TECTA: variants seen among roughly 807,000 people sequenced by gnomAD.
The protein encoded by TECTA is tectorin alpha.
In TECTA, 128 loss-of-function variants were observed where a neutral mutation model predicts 216.8. The ratio of observed to expected loss-of-function variants is 0.59; its 90% CI spans 0.51 to 0.68. The LOEUF (loss-of-function observed/expected upper bound fraction) is 0.68. TECTA is among the 30% of genes least tolerant of loss of function. The pLI is 0.00. For synonymous variants in TECTA, 1,089 were observed against 1,117.1 expected (o/e 0.97, Z 0.50); for missense variants, 2,551 against 2,786.2 (o/e 0.92, Z 1.90).
intron 16 of TECTA, among the ~76,000 whole-genome samples, chr11:121,164,963 T>C (rs1043773075): frequency 1.3e-5 from 2 of 152,238 alleles, no homozygotes; most frequent in Non-Finnish European, 2.9e-5. Context: ...TAAGAGCATC[T>C]GTGCATTCAG....
At chr11:121,112,528 C>T (rs1235487398) in intron 4 of TECTA, among the ~76,000 whole-genome samples, 1 of 152,192 alleles carries the variant, frequency 6.6e-6, no homozygotes, top group Non-Finnish European at 1.5e-5. Flanking sequence ...CCAGAAAGTG[C>T]TTTTTAAAAA....
chr11:121,172,198 A>C (rs1405440120), intron 20 of TECTA, among the ~76,000 whole-genome samples: 1 of 151,690 alleles, frequency 6.6e-6, no homozygotes, highest in East Asian at 1.9e-4. Context: ...TTATTTTATT[A>C]TTATTATACT....
intron 9 of TECTA, among the ~76,000 whole-genome samples, chr11:121,128,643 T>A (rs375859497): frequency 7.4e-4 from 112 of 152,314 alleles, no homozygotes; most frequent in African/African-American, 2.6e-3. Flanking sequence ...ATAAGCAGTA[T>A]CACACTTCAT....
rs1946605978 is a variant in TECTA, at chr11:121,125,829, C to T, written c.1731C>T (p.Ala577=). Residue 577 remains alanine (A), a synonymous_variant, in exon 8 of 24, where the codon GCC becomes GCT. Transcript: ENST00000392793. The part of the protein sequence containing the change: ...AIQAYALVCQ[A]LGIPIGDWRT... ...AGGCCTATGCTCTTGTGTGCCAAGC[C>T]CTTGGCATTCCAATTGGAGACTGGC... 1 of 1,613,008 alleles carries T rather than the reference C, an allele frequency of 6.2e-7. No individual in the cohort carries two copies. Among genetic ancestry groups the T allele is most frequent in the South Asian group, 1.1e-5 (1 of 91,078 alleles).
chr11:121,140,228 C>T (rs999645711), intron 11 of TECTA, among the ~76,000 whole-genome samples: 4 of 151,830 alleles, frequency 2.6e-5, no homozygotes, highest in Admixed American at 2.0e-4. Flanking sequence ...GACATCCTCC[C>T]AGTTCTTTTC....
intron 7 of TECTA, among the ~76,000 whole-genome samples, chr11:121,121,001 G>A (rs934802816): frequency 3.3e-5 from 5 of 152,204 alleles, no homozygotes; most frequent in Admixed American, 3.3e-4. Context: ...GGCCTTGGCG[G>A]CCTCTCCTCA....
At chr11:121,107,559 T>A (rs1277003949) in intron 3 of TECTA, among the ~76,000 whole-genome samples, 2 of 152,238 alleles carry the variant, frequency 1.3e-5, no homozygotes, top group African/African-American at 2.4e-5. Flanking sequence ...TGTTACTGGT[T>A]AACAGAAACT....
At chr11:121,143,730 G>A (rs1045214511) in intron 11 of TECTA, among the ~76,000 whole-genome samples, 12 of 152,180 alleles carry the variant, frequency 7.9e-5, no homozygotes, top group African/African-American at 2.7e-4. Context: ...GAGTTTTGAA[G>A]GGTGAACATT....
intron 11 of TECTA, among the ~76,000 whole-genome samples, chr11:121,141,371 G>A (rs12275717): frequency 8.8e-4 from 134 of 152,326 alleles, no homozygotes; most frequent in Middle Eastern, 3.4e-3. Flanking sequence ...TGATATGAAA[G>A]TGCTTCCTTG....
chr11:121,128,370 G>T, intron 9 of TECTA, 26 bp downstream of exon 9: 1 of 1,596,040 alleles, frequency 6.3e-7, no homozygotes, highest in Non-Finnish European at 8.5e-7. Context: ...CCTTTGGAGG[G>T]GTTCCTGGTA....
Position 121,102,690 on chromosome 11 carries a change from A to T in TECTA, c.25A>T (p.Ile9Phe), listed in dbSNP as rs1946356927. Reference protein sequence around the residue: MNYSSFLRIWVSFIFALVQ... With the variant: MNYSSFLRFWVSFIFALVQ... ...GATGAATTATTCATCATTCCTTAGA[A>T]TTTGGGTCTCTTTCATCTTCGCACT... Residue 9 changes from isoleucine (I) to phenylalanine (F), a missense_variant, in exon 2 of 24, where the codon ATT (isoleucine) becomes TTT (phenylalanine). By Grantham distance (21) the Ile-to-Phe change is conservative. This residue lies in a region of TECTA where 2,375 missense variants were observed against 2,563.9 expected (regional missense o/e 0.93). Coordinates refer to ENST00000392793, the MANE Select transcript of TECTA (RefSeq NM_005422.4). 1.9e-6 allele frequency: 3 copies of T among 1,613,866 alleles called. No homozygotes were observed. The highest frequency in any genetic ancestry group is 1.7e-6 in the Non-Finnish European group (2 of 1,179,830).
chr11:121,130,140 T>C lies in TECTA; in HGVS notation c.2870T>C (p.Val957Ala), dbSNP rs1372532120. 6.2e-7 allele frequency: 1 copy of C among 1,609,822 alleles called. No homozygotes were observed. The highest frequency in any genetic ancestry group is 2.2e-5 in the East Asian group (1 of 44,894). Residue 957 changes from valine to alanine, a missense_variant, in exon 10 of 24, where the codon GTG becomes GCG. This residue lies in a region of TECTA where 2,375 missense variants were observed against 2,563.9 expected (regional missense o/e 0.93). Coordinates refer to ENST00000392793, the MANE Select transcript of TECTA (RefSeq NM_005422.4). ...GGNESELCDS[V>A]ARYASACKNA... ...AATGAGTCAGAGCTCTGTGACTCTG[T>C]GGCCCGGTATGCAAGCGCCTGCAAG...
At position 121,105,926 on chromosome 11, in the gene TECTA, C is replaced by T. The variant is rs374289159; in HGVS notation, c.160C>T (p.Pro54Ser). 6.2e-7 allele frequency: 1 copy of T among 1,614,038 alleles called. No individual in the cohort carries two copies. Among genetic ancestry groups the T allele is most frequent in the African/African-American group, 1.3e-5 (1 of 74,912 alleles). ...CTCATCTGAGATTAAGTTGGCCATC[C>T]CAGTTTTCTTCTTTGGCGTTCCTTA... ...GSSSEIKLAI[P>S]VFFFGVPYRT... Residue 54 changes from proline (P) to serine (S), a missense_variant, in exon 3 of 24, where the codon CCA becomes TCA. Coordinates refer to ENST00000392793, the MANE Select transcript of TECTA (RefSeq NM_005422.4). This position sits in a 1 kb window ranked among gnomAD's most constrained non-coding sequence, Gnocchi z 5.3.
Position 121,129,948 on chromosome 11 carries a change from T to G in TECTA, c.2678T>G (p.Leu893Arg). The change falls in exon 10 of 24, where the codon CTG (leucine) becomes CGG (arginine). Residue 893 changes from leucine (L) to arginine (R), a missense_variant. Leu to Arg is a moderately radical substitution (Grantham distance 102). This residue lies in a region of TECTA where 2,375 missense variants were observed against 2,563.9 expected (regional missense o/e 0.93). Coordinates refer to ENST00000392793, the MANE Select transcript of TECTA (RefSeq NM_005422.4). ...TGCAATGGAGAGTGTGGGGACCTGC[T>G]GAAGGCCTGCAACAATGACTCGGAG... ...EICNGECGDL[L>R]KACNNDSELL... is the part of the protein sequence containing the mutation. 6.2e-7 allele frequency: 1 copy of G among 1,608,426 alleles called. No individual in the cohort carries two copies. The highest frequency in any genetic ancestry group is 8.5e-7 in the Non-Finnish European group (1 of 1,176,108).
Position 121,105,774 on chromosome 11 carries a change from A to G in TECTA, c.65-57A>G. Reference sequence around the variant, plus strand: ...TGGCTTCAGTAGGTAGGAGAGATGTAGATTGCCAAACGGCAGAGGGAGCTG... The same window carrying G: ...TGGCTTCAGTAGGTAGGAGAGATGTGGATTGCCAAACGGCAGAGGGAGCTG... On this transcript the variant is annotated intron_variant, in intron 2 of 23. Transcript: ENST00000392793. The surrounding 1 kb of genome is among the most constrained non-coding windows in gnomAD (Gnocchi z 5.3). 6.2e-7 allele frequency: 1 copy of G among 1,610,604 alleles called. No homozygotes were observed. The highest frequency in any genetic ancestry group is 8.5e-7 in the Non-Finnish European group (1 of 1,178,578).
At chr11:121,104,379 C>T (rs903582118) in intron 2 of TECTA, among the ~76,000 whole-genome samples, 13 of 152,046 alleles carry the variant, frequency 8.6e-5, no homozygotes, top group Non-Finnish European at 1.8e-4. Flanking sequence ...GCCTATGACC[C>T]GACACAGCGC....
chr11:121,152,943 G>A lies in TECTA; in HGVS notation c.4168G>A (p.Ala1390Thr), dbSNP rs1481202790. Residue 1390 changes from alanine (A) to threonine (T), a missense_variant, in exon 13 of 24, where the codon GCC becomes ACC. Physicochemically the swap from Ala to Thr is moderately conservative, Grantham distance 58. This residue lies in a region of TECTA where 2,375 missense variants were observed against 2,563.9 expected (regional missense o/e 0.93). Coordinates refer to ENST00000392793, the MANE Select transcript of TECTA (RefSeq NM_005422.4). ...SCVSVCQPRC[A>T]AIRLKSDCSH... ...CGTGAGTGTCTGCCAGCCCCGCTGC[G>A]CCGCCATCCGCCTGAAGAGTGACTG... The A allele has an allele frequency of 6.8e-6, 11 of 1,612,972 alleles. No individual in the cohort carries two copies. Among genetic ancestry groups the A allele is most frequent in the East Asian group, 4.5e-5 (2 of 44,858 alleles).
intron 12 of TECTA, 88 bp downstream of exon 12, chr11:121,146,204 G>A: frequency 6.7e-7 from 1 of 1,492,574 alleles, no homozygotes; most frequent in Non-Finnish European, 9.1e-7. Context: ...CTAGAAGTCA[G>A]AGCAAATTGA....
Position 121,146,121 on chromosome 11 carries a change from G to A in TECTA, c.4105+5G>A, listed in dbSNP as rs1460641926. 2 of 1,605,490 alleles carry A rather than the reference G, an allele frequency of 1.2e-6. No individual in the cohort carries two copies. Among genetic ancestry groups the A allele is most frequent in the Non-Finnish European group, 1.7e-6 (2 of 1,180,004 alleles). On this transcript the variant is annotated splice_donor_5th_base_variant and intron_variant, in intron 12 of 23. Transcript: ENST00000392793. ...GGAGGAATTACACGTCCTGCAGTGA[G>A]TCCTTCTCGTTGTCCCTCCTTGTAG...
Sources: gnomAD v4.1 joint callset for allele counts (sites outside exome capture counted in the v4.1 genomes callset) on GRCh38, gnomAD v4.1.1 for gene constraint, gnomAD v4.1.1 regional missense constraint, Gnocchi (gnomAD v3.1) non-coding constraint, MANE v1.5 for transcripts, NCBI Gene and HGNC (gene_info 2026-07-23, HGNC 2026-07-21) for gene names.